Variants in RFX3 observed in about 807,000 individuals in gnomAD.
The protein encoded by RFX3 is transcription factor RFX3.
Under a neutral mutation model 98.6 loss-of-function variants are expected in RFX3, and 14 were observed. That is an observed-to-expected ratio of 0.14 (90% CI 0.09 to 0.22). The LOEUF is 0.22. Among genes scored for constraint, RFX3 ranks in the 10% least tolerant of loss-of-function variants. RFX3 has a pLI of 1.00. For missense variants in RFX3, 639 were observed against 926.9 expected (o/e 0.69, Z 4.03); for synonymous variants, 383 against 328.4 (o/e 1.17, Z -1.80).
intron 1 of RFX3, among the ~76,000 whole-genome samples, chr9:3,445,679 C>T (rs115406467): frequency 0.012 from 1,801 of 152,170 alleles, 33 homozygotes; most frequent in African/African-American, 0.041. Context: ...TGATGGCTTT[C>T]GTGCCTTATA....
intron 1 of RFX3, among the ~76,000 whole-genome samples, chr9:3,508,392 A>T (rs529915887): frequency 6.6e-6 from 1 of 152,096 alleles, no homozygotes; most frequent in East Asian, 1.9e-4. Context: ...TTGATATATC[A>T]GAAATATAGT....
intron 1 of RFX3, among the ~76,000 whole-genome samples, chr9:3,410,716 C>T (rs994426670): frequency 6.6e-6 from 1 of 152,210 alleles, no homozygotes; most frequent in Non-Finnish European, 1.5e-5. Flanking sequence ...CTTTCCACAA[C>T]ATGTACTATT....
At position 3,277,428 on chromosome 9, in the gene RFX3, T is replaced by C. The variant is rs747883801; in HGVS notation, c.885A>G (p.Ala295=). Residue 295 remains alanine, a synonymous_variant, in exon 8 of 17, where the codon GCA becomes GCG. Transcript: ENST00000617270. The part of the protein sequence containing the change: ...YKPMQKVDGV[A]DGFTGSGQQT... ...GTTGACCACTTCCTGTGAAACCATC[T>C]GCAACCCCATCCACTTTCTGCATAG... The C allele has an allele frequency of 1.9e-5, 30 of 1,612,658 alleles. No homozygotes were observed. The highest frequency in any genetic ancestry group is 2.5e-5 in the Non-Finnish European group (29 of 1,178,906).
chr9:3,277,399 G>T lies in RFX3; in HGVS notation c.914C>A (p.Thr305Lys), dbSNP rs1463624118. 6.2e-7 allele frequency: 1 copy of T among 1,611,584 alleles called. No individual in the cohort carries two copies. The highest frequency in any genetic ancestry group is 8.5e-7 in the Non-Finnish European group (1 of 1,177,972). The part of the protein sequence containing the change: ...ADGFTGSGQQ[T>K]GTSVEQTVIA... ...TACAGTTTGCTCAACAGATGTGCCTGTCTGTTGACCACTTCCTGTGAAACC... is the reference window on the plus strand; with the variant it reads ...TACAGTTTGCTCAACAGATGTGCCTTTCTGTTGACCACTTCCTGTGAAACC... Residue 305 changes from threonine to lysine, a missense_variant, in exon 8 of 17, where the codon ACA becomes AAA. Transcript: ENST00000617270.
At chr9:3,232,627 C>A (rs1382249256) in intron 15 of RFX3, among the ~76,000 whole-genome samples, 1 of 152,162 alleles carries the variant, frequency 6.6e-6, no homozygotes, top group African/African-American at 2.4e-5. Context: ...TTCAGCCTCA[C>A]CAAAACAACT....
chr9:3,423,777 T>TCATATA (rs1564081445), intron 1 of RFX3, among the ~76,000 whole-genome samples: 1 of 53,146 alleles, frequency 1.9e-5, no homozygotes, highest in African/African-American at 7.2e-5. Context: ...TTATATATTT[T>TCATATA]CATATATATA....
intron 15 of RFX3, among the ~76,000 whole-genome samples, chr9:3,241,422 T>C (rs917451828): frequency 1.3e-5 from 2 of 152,032 alleles, no homozygotes; most frequent in African/African-American, 4.8e-5. Context: ...GGAGAGGTTA[T>C]AGCCCAGAGC....
At chr9:3,309,112 A>C (rs533726369) in intron 4 of RFX3, among the ~76,000 whole-genome samples, 27 of 152,302 alleles carry the variant, frequency 1.8e-4, no homozygotes, top group African/African-American at 6.3e-4. Flanking sequence ...AAAAATGCAT[A>C]GATTCTGTAC....
intron 1 of RFX3, among the ~76,000 whole-genome samples, chr9:3,423,811 A>ATATATATATATATC (rs1292059587): frequency 1.5e-5 from 2 of 132,388 alleles, no homozygotes; most frequent in East Asian, 2.1e-4. Flanking sequence ...ATATATATAT[A>ATATATATATATATC]TCTTAAGGTA....
intron 4 of RFX3, among the ~76,000 whole-genome samples, chr9:3,325,356 A>G (rs752376541): frequency 6.6e-6 from 1 of 152,086 alleles, no homozygotes; most frequent in African/African-American, 2.4e-5. Context: ...TTTTACTTAT[A>G]TAGCAGCAGA....
intron 1 of RFX3, among the ~76,000 whole-genome samples, chr9:3,424,522 C>A (rs936795812): frequency 2.0e-5 from 3 of 151,088 alleles, no homozygotes; most frequent in East Asian, 2.0e-4. Context: ...CCACCGCGCC[C>A]GGATAATTTT....
chr9:3,435,637 T>C (rs1225832325), intron 1 of RFX3, among the ~76,000 whole-genome samples: 1 of 151,902 alleles, frequency 6.6e-6, no homozygotes, highest in Non-Finnish European at 1.5e-5. Flanking sequence ...TGCTAGAATG[T>C]TACCTCAATA....
Position 3,410,161 on chromosome 9 carries a change from CTGTGTGTGTGTG to C in RFX3, c.-8-14577_-8-14566del, listed in dbSNP as rs555349379. Among the ~76,000 whole-genome samples, 124 of 114,122 alleles carry C rather than the reference CTGTGTGTGTGTG, an allele frequency of 1.1e-3. 2 individuals are homozygous for C. The highest frequency in any genetic ancestry group is 1.3e-3 in the Admixed American group (14 of 10,634). The allele number at this position is 114,122 out of a possible 152,430, so 74.9% of individuals were successfully genotyped here. ...TTAACACGATTTCAAGTGAGATAAA[CTGTGTGTGTGTG>C]TGTGTGTGTGTGTGTGTGTGTGTGT... On this transcript the variant is annotated intron_variant, in intron 1 of 16. Transcript: ENST00000617270.
intron 1 of RFX3, among the ~76,000 whole-genome samples, chr9:3,502,128 G>A (rs936449959): frequency 2.5e-4 from 37 of 150,976 alleles, no homozygotes; most frequent in East Asian, 1.2e-3. Flanking sequence ...GCGTAGTGGC[G>A]GGCGCCTGTA....
intron 12 of RFX3, among the ~76,000 whole-genome samples, chr9:3,264,061 T>G (rs566904120): frequency 2.7e-4 from 41 of 152,258 alleles, no homozygotes; most frequent in Non-Finnish European, 5.3e-4. Context: ...GCTTTACTAT[T>G]CCTCTTTGTT....
intron 1 of RFX3, among the ~76,000 whole-genome samples, chr9:3,484,337 T>G (rs781708522): frequency 2.6e-5 from 4 of 152,196 alleles, no homozygotes; most frequent in Non-Finnish European, 5.9e-5. Flanking sequence ...TACTAGTTAT[T>G]GTTATGAATG....
intron 4 of RFX3, among the ~76,000 whole-genome samples, chr9:3,326,433 C>A (rs1039055107): frequency 8.5e-5 from 13 of 152,068 alleles, no homozygotes; most frequent in Non-Finnish European, 1.8e-4. Context: ...TATTTCATCA[C>A]CTAGGTATTA....
chr9:3,391,520 T>G (rs1400586238), intron 2 of RFX3, among the ~76,000 whole-genome samples: 2 of 152,182 alleles, frequency 1.3e-5, no homozygotes, highest in Non-Finnish European at 2.9e-5. Flanking sequence ...ATCACCTGCC[T>G]TGAATGTCCC....
At chr9:3,293,914 T>A (rs545066269) in intron 5 of RFX3, among the ~76,000 whole-genome samples, 36 of 152,274 alleles carry the variant, frequency 2.4e-4, no homozygotes, top group African/African-American at 8.7e-4. Context: ...ATTACAACCA[T>A]TTTAATTTTT....
Sources: allele counts gnomAD v4.1 joint callset (sites outside exome capture counted in the v4.1 genomes callset), GRCh38; gene constraint gnomAD v4.1.1; transcripts MANE v1.5; gene names NCBI Gene and HGNC (gene_info 2026-07-23, HGNC 2026-07-21).